The following VCAN variants were observed in gnomAD, a reference collection of about 807,000 sequenced individuals.
VCAN encodes the protein versican.
A neutral mutation model predicts 245.5 loss-of-function variants in VCAN; 44 were observed. That is an observed-to-expected ratio of 0.18 (90% CI 0.14 to 0.23). The LOEUF (loss-of-function observed/expected upper bound fraction) is 0.23. Among genes scored for constraint, VCAN ranks in the 10% least tolerant of loss-of-function variants. The pLI is 1.00. For missense variants in VCAN, 3,793 were observed against 4,057.9 expected (o/e 0.93, Z 1.77); for synonymous variants, 1,413 against 1,437.0 (o/e 0.98, Z 0.38).
chr5:83,503,264 A>C (rs1383689484), intron 5 of VCAN, among the ~76,000 whole-genome samples: 3 of 152,134 alleles, frequency 2.0e-5, no homozygotes, highest in Admixed American at 2.0e-4. Flanking sequence ...AGTGTTGAAA[A>C]AGCTTAAAAG....
intron 8 of VCAN, among the ~76,000 whole-genome samples, chr5:83,542,978 C>T (rs1249436609): frequency 2.0e-5 from 3 of 152,012 alleles, no homozygotes; most frequent in African/African-American, 7.2e-5. Flanking sequence ...CTATAAAAGC[C>T]CTGTGTGAAA....
Position 83,540,677 on chromosome 5 carries a change from T to G in VCAN, c.7674T>G (p.Ile2558Met). ...DKEDKDLILT[I>M]TESTILEILP... ...AGGACAAGGATTTAATATTGACAAT[T>G]ACAGAGAGTACCATCCTTGAAATTC... Residue 2558 changes from isoleucine (I) to methionine (M), a missense_variant, in exon 8 of 15, where the codon ATT becomes ATG. This residue lies in a region of VCAN where 3,182 missense variants were observed against 3,250.3 expected (regional missense o/e 0.98). Coordinates refer to ENST00000265077, the MANE Select transcript of VCAN (RefSeq NM_004385.5). 6.2e-7 allele frequency: 1 copy of G among 1,613,966 alleles called. No homozygotes were observed. The highest frequency in any genetic ancestry group is 8.5e-7 in the Non-Finnish European group (1 of 1,179,972).
At chr5:83,568,505 T>G (rs572455997) in intron 12 of VCAN, among the ~76,000 whole-genome samples, 32 of 152,302 alleles carry the variant, frequency 2.1e-4, no homozygotes, top group Admixed American at 9.2e-4. Context: ...GGCCTGAATC[T>G]GGGCAGTTTG....
chr5:83,514,327 T>C (rs1281761275), intron 6 of VCAN, among the ~76,000 whole-genome samples: 2 of 152,182 alleles, frequency 1.3e-5, no homozygotes, highest in Non-Finnish European at 2.9e-5. Flanking sequence ...GCGTAGAAGG[T>C]TAAAAGCATT....
intron 5 of VCAN, among the ~76,000 whole-genome samples, chr5:83,507,350 TG>T (rs1407303818): frequency 2.0e-5 from 3 of 152,216 alleles, no homozygotes; most frequent in Non-Finnish European, 4.4e-5. Flanking sequence ...AACACAACTT[TG>T]TTCTATGCTA....
At chr5:83,545,128 A>G (rs1409114555) in intron 8 of VCAN, 2 of 248,832 alleles carry the variant, frequency 8.0e-6, no homozygotes, top group African/African-American at 4.5e-5. Flanking sequence ...AAAAGAATGC[A>G]TGTTCTGTGT....
chr5:83,536,932 C>A, intron 7 of VCAN, 75 bp from the exon 8 acceptor site: 1 of 1,306,904 alleles, frequency 7.7e-7, no homozygotes, highest in Non-Finnish European at 1.0e-6. Context: ...GTGTGACCAG[C>A]CTTGCTATCA....
chr5:83,515,099 T>A (rs1745800688), intron 6 of VCAN, among the ~76,000 whole-genome samples: 1 of 152,202 alleles, frequency 6.6e-6, no homozygotes, highest in African/African-American at 2.4e-5. Flanking sequence ...ATAAAAGACA[T>A]AAAATTAGGC....
At chr5:83,503,384 A>C (rs1745390058) in intron 5 of VCAN, among the ~76,000 whole-genome samples, 1 of 152,170 alleles carries the variant, frequency 6.6e-6, no homozygotes, top group Non-Finnish European at 1.5e-5. Flanking sequence ...CATTTCATGT[A>C]ACTACTTCCA....
chr5:83,503,172 C>T (rs1745381721), intron 5 of VCAN, among the ~76,000 whole-genome samples: 1 of 151,862 alleles, frequency 6.6e-6, no homozygotes, highest in Non-Finnish European at 1.5e-5. Flanking sequence ...GTTTTTCCTG[C>T]TTTGATCTTA....
chr5:83,519,492 C>T lies in VCAN; in HGVS notation c.1186C>T (p.Pro396Ser), dbSNP rs368065150. 9.3e-5 allele frequency: 150 copies of T among 1,614,000 alleles called. No individual in the cohort carries two copies. Among genetic ancestry groups the T allele is most frequent in the Non-Finnish European group, 1.2e-4 (144 of 1,179,974 alleles). ...DELPVIPTEF[P>S]PVGNIVSFEQ... ...ATTACCTGTCATTCCAACAGAGTTC[C>T]CTCCCGTGGGAAATATTGTCAGTTT... is the stretch of plus-strand genomic sequence containing the variant. Residue 396 changes from proline to serine, a missense_variant, in exon 7 of 15, where the codon CCT (proline) becomes TCT (serine). By Grantham distance (74) the Pro-to-Ser change is moderately conservative (BLOSUM62 -1). Coordinates refer to ENST00000265077, the MANE Select transcript of VCAN (RefSeq NM_004385.5).
Position 83,487,546 on chromosome 5 carries a change from T to C in VCAN, c.71-2552T>C, listed in dbSNP as rs556886467. Reference sequence around the variant, plus strand: ...ACTACTGAATTTCTTTCTTAAAATATTTAGATTTAGTGAATTTCGTTTTTG... The same window carrying C: ...ACTACTGAATTTCTTTCTTAAAATACTTAGATTTAGTGAATTTCGTTTTTG... On this transcript the variant is annotated intron_variant, in intron 2 of 14. Transcript: ENST00000265077. 7.4e-3 allele frequency among the ~76,000 whole-genome samples: 1,125 copies of C among 152,362 alleles called. 5 individuals are homozygous for C. Among genetic ancestry groups the C allele is most frequent in the Non-Finnish European group, 0.011 (774 of 68,026 alleles).
chr5:83,552,469 G>A (rs1468413334), intron 10 of VCAN, among the ~76,000 whole-genome samples: 3 of 152,178 alleles, frequency 2.0e-5, no homozygotes, highest in Non-Finnish European at 4.4e-5. Context: ...AATTCTGTGG[G>A]AAGATTGCCA....
chr5:83,564,969 A>C (rs1748018917), intron 12 of VCAN, among the ~76,000 whole-genome samples: 2 of 152,228 alleles, frequency 1.3e-5, no homozygotes, highest in African/African-American at 4.8e-5. Flanking sequence ...TAAAAAACAA[A>C]AGGTGACTGC....
intron 12 of VCAN, among the ~76,000 whole-genome samples, chr5:83,571,020 A>G (rs944404450): frequency 6.6e-6 from 1 of 152,162 alleles, no homozygotes; most frequent in Admixed American, 6.5e-5. Flanking sequence ...AGACAGTCAT[A>G]TTAGCCATTG....
At chr5:83,507,886 G>A (rs967590354) in intron 5 of VCAN, among the ~76,000 whole-genome samples, 1 of 152,192 alleles carries the variant, frequency 6.6e-6, no homozygotes, top group Non-Finnish European at 1.5e-5. Flanking sequence ...GCTTTTCTCA[G>A]TGTAGAAATG....
intron 1 of VCAN, among the ~76,000 whole-genome samples, chr5:83,483,173 G>A (rs931233329): frequency 1.3e-5 from 2 of 152,170 alleles, no homozygotes; most frequent in Admixed American, 1.3e-4. Flanking sequence ...CTATCCACTA[G>A]TTACTTGAAC....
chr5:83,559,034 C>T (rs988216560), intron 12 of VCAN, among the ~76,000 whole-genome samples: 9 of 152,166 alleles, frequency 5.9e-5, no homozygotes, highest in African/African-American at 2.2e-4. Context: ...GTTAACTTGA[C>T]GATTGTTCTC....
intron 12 of VCAN, among the ~76,000 whole-genome samples, chr5:83,567,580 A>G (rs1247151462): frequency 6.6e-6 from 1 of 152,196 alleles, no homozygotes; most frequent in East Asian, 1.9e-4. Flanking sequence ...GATAACAGGC[A>G]TGAGACACTG....
Sources: gnomAD v4.1 joint callset for allele counts (sites outside exome capture counted in the v4.1 genomes callset) on GRCh38, gnomAD v4.1.1 for gene constraint, gnomAD v4.1.1 regional missense constraint, MANE v1.5 for transcripts, NCBI Gene and HGNC (gene_info 2026-07-23, HGNC 2026-07-21) for gene names.